The following EPS8 variants were observed in gnomAD, a reference collection of about 807,000 sequenced individuals.
EPS8 encodes the protein epidermal growth factor receptor kinase substrate 8.
A neutral mutation model predicts 103.8 loss-of-function variants in EPS8; 42 were observed. The observed-to-expected ratio is 0.40, with a 90% CI of 0.32 to 0.52. The LOEUF (loss-of-function observed/expected upper bound fraction) is 0.52. Ranked by LOEUF, EPS8 falls within the 20% of genes least tolerant of loss-of-function variation. EPS8 has a pLI of 0.40. For synonymous variants in EPS8, 344 were observed against 344.6 expected, an observed-to-expected ratio of 1.00 and a Z score of 0.02; for missense variants, 969 against 1,005.1, an observed-to-expected ratio of 0.96 and a Z score of 0.49.
At chr12:15,689,580 G>A (rs907700134) in intron 1 of EPS8, among the ~76,000 whole-genome samples, 3 of 152,122 alleles carry the variant, frequency 2.0e-5, no homozygotes, top group Admixed American at 2.0e-4. Context: ...ACTATGAAAT[G>A]ATTAAATCAG....
In EPS8 at chr12:15,781,057, G is replaced by A. The variant is rs549791567; in HGVS notation, c.-22+8104C>T. Among the ~76,000 whole-genome samples, 15 of 152,152 alleles carry A rather than the reference G, an allele frequency of 9.9e-5. No individual in the cohort carries two copies. The highest frequency in any genetic ancestry group is 3.6e-4 in the African/African-American group (15 of 41,530). On this transcript the variant is annotated intron_variant, in intron 1 of 20. Transcript: ENST00000281172. This position sits in a 1 kb window ranked among gnomAD's most constrained non-coding sequence, Gnocchi z 4.1. ...CTTTAAATACAATGAGGGAAAGAAA[G>A]AAATAACTAGCTAATGCTACCATTA...
Position 15,625,886 on chromosome 12 carries a change from T to G in EPS8, c.2045-1479A>C, listed in dbSNP as rs145861549. ...CATTTAAAAGATGATGGTTACCAAA[T>G]TATTTTTCCAGTCCTCTTACTCGGA... On this transcript the variant is annotated intron_variant, in intron 18 of 20. Transcript: ENST00000281172. Among the ~76,000 whole-genome samples, 760 of 152,332 alleles carry G rather than the reference T, an allele frequency of 5.0e-3. 7 individuals are homozygous for G. Among genetic ancestry groups the G allele is most frequent in the Non-Finnish European group, 6.7e-3 (454 of 68,028 alleles).
At chr12:15,649,619 G>C (rs1945378134) in intron 14 of EPS8, among the ~76,000 whole-genome samples, 1 of 151,160 alleles carries the variant, frequency 6.6e-6, no homozygotes, top group Non-Finnish European at 1.5e-5. Flanking sequence ...TACAGCCAGA[G>C]GGAAAAAAAA....
In EPS8 at chr12:15,776,171, T is replaced by C. The variant is rs1947204815; in HGVS notation, c.-22+12990A>G. Among the ~76,000 whole-genome samples, 1 of 152,138 alleles carries C rather than the reference T, an allele frequency of 6.6e-6. No individual in the cohort carries two copies. Among genetic ancestry groups the C allele is most frequent in the Admixed American group, 6.6e-5 (1 of 15,254 alleles). On this transcript the variant is annotated intron_variant, in intron 1 of 20. Coordinates refer to ENST00000281172, the MANE Select transcript of EPS8 (RefSeq NM_004447.6). This position sits in a 1 kb window ranked among gnomAD's most constrained non-coding sequence, Gnocchi z 4.2. ...CCCAAGTATTCTCCTTTCCAGTGAT[T>C]GGTATGGTTGATATCAGTAACAGAA...
chr12:15,756,385 T>G (rs1362507423), intron 1 of EPS8, among the ~76,000 whole-genome samples: 1 of 152,180 alleles, frequency 6.6e-6, no homozygotes, highest in Non-Finnish European at 1.5e-5. Flanking sequence ...AATTTGCCAG[T>G]ATCAAACCAA....
rs1184033527 is a variant in EPS8 at position 15,684,977 on chromosome 12, G to A, written c.-21-2005C>T. Among the ~76,000 whole-genome samples the A allele has an allele frequency of 6.6e-6, 1 of 152,186 alleles. No individual in the cohort carries two copies. The highest frequency in any genetic ancestry group is 1.5e-5 in the Non-Finnish European group (1 of 68,024). ...TAAACCAATTCTCAGGGTGGGACAA[G>A]GCAGAGGGCCTGATTTGTAGTGCTT... is the stretch of plus-strand genomic sequence containing the variant. On this transcript the variant is annotated intron_variant, in intron 1 of 20. Transcript: ENST00000281172. The surrounding 1 kb of genome is among the most constrained non-coding windows in gnomAD (Gnocchi z 4.9).
At chr12:15,651,048 A>T in intron 13 of EPS8, 42 bp from the exon 14 acceptor site, 1 of 1,530,336 alleles carries the variant, frequency 6.5e-7, no homozygotes, top group South Asian at 1.2e-5. Context: ...AAAATCTAGG[A>T]ATGTATCCAT....
Position 15,658,509 on chromosome 12 carries a change from T to C in EPS8, c.1014A>G (p.Gly338=). ...FLDCFQKFKH[G]FNLLAKLKSH... is the part of the protein sequence containing the mutation. ...AAATTTCACTTACCAGAAGGTTAAA[T>C]CCGTGTTTAAACTTTTGGAAACAGT... The change falls in exon 11 of 21, where the codon GGA becomes GGG. Residue 338 remains glycine (G), a synonymous_variant. Coordinates refer to ENST00000281172, the MANE Select transcript of EPS8 (RefSeq NM_004447.6). 1 of 1,609,206 alleles carries C rather than the reference T, an allele frequency of 6.2e-7. No individual in the cohort carries two copies. Among genetic ancestry groups the C allele is most frequent in the East Asian group, 2.2e-5 (1 of 44,836 alleles).
At chr12:15,712,146 T>C (rs1449323986) in intron 1 of EPS8, among the ~76,000 whole-genome samples, 4 of 152,218 alleles carry the variant, frequency 2.6e-5, no homozygotes, top group Non-Finnish European at 5.9e-5. Flanking sequence ...AACATCATAA[T>C]TATAAAATTG....
intron 1 of EPS8, among the ~76,000 whole-genome samples, chr12:15,712,610 A>ATC (rs1946480992): frequency 6.6e-6 from 1 of 152,172 alleles, no homozygotes; most frequent in African/African-American, 2.4e-5. Context: ...AATCCTTTGA[A>ATC]TCTCCACCTC....
intron 6 of EPS8, among the ~76,000 whole-genome samples, chr12:15,667,240 C>G (rs540103265): frequency 1.3e-5 from 2 of 152,206 alleles, no homozygotes; most frequent in South Asian, 4.1e-4. Flanking sequence ...AATGTTTTCT[C>G]AAATATGTAT....
At chr12:15,720,808 C>T (rs1332927065) in intron 1 of EPS8, among the ~76,000 whole-genome samples, 1 of 152,136 alleles carries the variant, frequency 6.6e-6, no homozygotes, top group African/African-American at 2.4e-5. Flanking sequence ...GCTCCCTCTG[C>T]CTGAAACTCA....
intron 6 of EPS8, among the ~76,000 whole-genome samples, chr12:15,667,522 G>T (rs1317716476): frequency 1.3e-5 from 2 of 151,782 alleles, no homozygotes; most frequent in African/African-American, 4.8e-5. Flanking sequence ...AAGATGAAAA[G>T]ATATTTAATT....
chr12:15,709,354 G>T (rs1490205917), intron 1 of EPS8, among the ~76,000 whole-genome samples: 3 of 152,158 alleles, frequency 2.0e-5, no homozygotes, highest in Non-Finnish European at 4.4e-5. Flanking sequence ...AAATTTAATG[G>T]CAGTGGTCAG....
rs116316943 is a variant in EPS8, at chr12:15,776,183, T to C, written c.-22+12978A>G. Among the ~76,000 whole-genome samples the C allele has an allele frequency of 0.024, 3,649 of 152,254 alleles. 151 individuals are homozygous for C. The highest frequency in any genetic ancestry group is 0.083 in the African/African-American group (3,464 of 41,534). On this transcript the variant is annotated intron_variant, in intron 1 of 20. Transcript: ENST00000281172. The surrounding 1 kb of genome is among the most constrained non-coding windows in gnomAD (Gnocchi z 4.2). ...CCTTTCCAGTGATTGGTATGGTTGA[T>C]ATCAGTAACAGAAATAGCAAGAATA...
In EPS8 at chr12:15,731,518, G is replaced by A. The variant is rs1355717996; in HGVS notation, c.-21-48546C>T. 1.3e-5 allele frequency among the ~76,000 whole-genome samples: 2 copies of A among 152,022 alleles called. No individual in the cohort carries two copies. The highest frequency in any genetic ancestry group is 2.4e-5 in the African/African-American group (1 of 41,378). Reference sequence around the variant, plus strand: ...TCACCGTGTAGGCCAGGCTGGTCTCGAACTCCTGACTTCAGGTGATCCACC... The same window carrying A: ...TCACCGTGTAGGCCAGGCTGGTCTCAAACTCCTGACTTCAGGTGATCCACC... On this transcript the variant is annotated intron_variant, in intron 1 of 20. Transcript: ENST00000281172. The surrounding 1 kb of genome is among the most constrained non-coding windows in gnomAD (Gnocchi z 5.1).
intron 18 of EPS8, among the ~76,000 whole-genome samples, chr12:15,626,417 T>C (rs1427654399): frequency 6.6e-6 from 1 of 151,654 alleles, no homozygotes; most frequent in Non-Finnish European, 1.5e-5. Context: ...GATCACAAGG[T>C]CAAGAAATCG....
At chr12:15,627,780 T>C (rs1451935095) in intron 18 of EPS8, among the ~76,000 whole-genome samples, 1 of 152,206 alleles carries the variant, frequency 6.6e-6, no homozygotes, top group Admixed American at 6.5e-5. Flanking sequence ...AGGGGAATCA[T>C]GTGTCTGTGT....
At chr12:15,634,370 G>T (rs1002423298) in intron 17 of EPS8, among the ~76,000 whole-genome samples, 1 of 152,110 alleles carries the variant, frequency 6.6e-6, no homozygotes, top group African/African-American at 2.4e-5. Context: ...AGAATTAATA[G>T]ACCTCATAGG....
Sources: gnomAD v4.1 joint callset for allele counts (sites outside exome capture counted in the v4.1 genomes callset) on GRCh38, gnomAD v4.1.1 for gene constraint, Gnocchi (gnomAD v3.1) non-coding constraint, MANE v1.5 for transcripts, NCBI Gene and HGNC (gene_info 2026-07-23, HGNC 2026-07-21) for gene names.